Variants in DLG2 observed in about 807,000 individuals in gnomAD.
DLG2 encodes the protein disks large homolog 2.
In DLG2, 45 loss-of-function variants were observed where a neutral mutation model predicts 132.5. That is an observed-to-expected ratio of 0.34 (90% CI 0.27 to 0.44). The LOEUF is 0.44. DLG2 is among the 20% of genes least tolerant of loss of function. DLG2 has a pLI of 1.00. For missense variants in DLG2, 1,045 were observed against 1,196.9 expected, an observed-to-expected ratio of 0.87 and a Z score of 1.87; for synonymous variants, 424 against 419.6, an observed-to-expected ratio of 1.01 and a Z score of -0.13.
At chr11:84,618,840 T>G (rs374495884) in intron 6 of DLG2, among the ~76,000 whole-genome samples, 1 of 152,032 alleles carries the variant, frequency 6.6e-6, no homozygotes, top group Non-Finnish European at 1.5e-5. Flanking sequence ...CTTTAGATAT[T>G]AAGATTATCA....
chr11:85,611,920 CAG>C (rs1303357379), intron 2 of DLG2, among the ~76,000 whole-genome samples: 18 of 147,198 alleles, frequency 1.2e-4, no homozygotes, highest in Non-Finnish European at 1.1e-4. Flanking sequence ...GAAAGACCAG[CAG>C]AGAGAGAGAG....
chr11:84,948,576 T>C (rs1485262618), intron 6 of DLG2, among the ~76,000 whole-genome samples: 1 of 152,234 alleles, frequency 6.6e-6, no homozygotes, highest in Non-Finnish European at 1.5e-5. Context: ...GCATGGATTT[T>C]CCCTGAAGAA....
At chr11:84,154,521 T>C (rs1190103975) in intron 9 of DLG2, among the ~76,000 whole-genome samples, 1 of 152,168 alleles carries the variant, frequency 6.6e-6, no homozygotes, top group Non-Finnish European at 1.5e-5. Context: ...TTTAATACTT[T>C]AAGTTCTAGG....
chr11:85,308,527 C>A (rs143818301), intron 3 of DLG2, among the ~76,000 whole-genome samples: 63 of 152,294 alleles, frequency 4.1e-4, no homozygotes, highest in African/African-American at 1.5e-3. Context: ...AAGAGCAAAG[C>A]TCCTATCCAG....
intron 3 of DLG2, among the ~76,000 whole-genome samples, chr11:85,388,515 C>A (rs1412339671): frequency 6.6e-6 from 1 of 152,118 alleles, no homozygotes; most frequent in South Asian, 2.1e-4. Flanking sequence ...CTTGAAAGCA[C>A]CACCTTCTGG....
chr11:84,975,315 C>G (rs2054736774), intron 6 of DLG2, among the ~76,000 whole-genome samples: 1 of 152,114 alleles, frequency 6.6e-6, no homozygotes, highest in Non-Finnish European at 1.5e-5. Context: ...GGTGATGATG[C>G]TATAAGTTCT....
intron 7 of DLG2, among the ~76,000 whole-genome samples, chr11:84,412,245 G>A (rs1226515550): frequency 6.6e-6 from 1 of 150,756 alleles, no homozygotes; most frequent in Admixed American, 6.6e-5. Context: ...ACAAACCATA[G>A]ACTGACTTTA....
At chr11:83,494,600 T>C (rs1391868627) in intron 21 of DLG2, among the ~76,000 whole-genome samples, 1 of 151,788 alleles carries the variant, frequency 6.6e-6, no homozygotes, top group Non-Finnish European at 1.5e-5. Context: ...ATGGATTTTT[T>C]AGTTAAAACA....
intron 8 of DLG2, among the ~76,000 whole-genome samples, chr11:84,192,222 T>G (rs2096424144): frequency 2.0e-5 from 3 of 151,968 alleles, no homozygotes; most frequent in Non-Finnish European, 2.9e-5. Context: ...AGGGGGTGGG[T>G]GAGTATATGA....
At chr11:85,140,098 T>C (rs940313951) in intron 5 of DLG2, among the ~76,000 whole-genome samples, 6 of 152,030 alleles carry the variant, frequency 3.9e-5, no homozygotes, top group Non-Finnish European at 4.4e-5. Context: ...ATCTTGGCTA[T>C]TGTGAATAAT....
At chr11:85,412,050 T>A (rs1022060725) in intron 3 of DLG2, among the ~76,000 whole-genome samples, 3 of 151,848 alleles carry the variant, frequency 2.0e-5, no homozygotes, top group African/African-American at 7.2e-5. Flanking sequence ...TGAGCTCTGA[T>A]TAGTCTAAGC....
intron 8 of DLG2, among the ~76,000 whole-genome samples, chr11:84,187,930 A>T (rs2096313907): frequency 6.6e-6 from 1 of 152,130 alleles, no homozygotes; most frequent in African/African-American, 2.4e-5. Context: ...AGAGCTGTAG[A>T]AAGACTCTAA....
chr11:84,029,527 G>C (rs1207138418), intron 11 of DLG2, among the ~76,000 whole-genome samples: 1 of 152,112 alleles, frequency 6.6e-6, no homozygotes, highest in African/African-American at 2.4e-5. Context: ...ATAAATCATA[G>C]AGTATTAGTT....
chr11:84,797,502 T>A (rs1407639564), intron 6 of DLG2, among the ~76,000 whole-genome samples: 2 of 152,216 alleles, frequency 1.3e-5, no homozygotes, highest in East Asian at 1.9e-4. Flanking sequence ...TCAATTCTGC[T>A]GTTGAGATGC....
intron 3 of DLG2, among the ~76,000 whole-genome samples, chr11:85,298,939 T>A (rs936022147): frequency 3.9e-5 from 6 of 152,146 alleles, no homozygotes; most frequent in Non-Finnish European, 7.4e-5. Flanking sequence ...AAAAAAAATT[T>A]AATGCCCTAA....
intron 7 of DLG2, among the ~76,000 whole-genome samples, chr11:84,312,255 G>A (rs550680853): frequency 6.6e-6 from 1 of 152,248 alleles, no homozygotes; most frequent in South Asian, 2.1e-4. Context: ...GCAGATCACA[G>A]GTCAGGAGTT....
intron 22 of DLG2, chr11:83,480,762 C>A: frequency 1.4e-6 from 1 of 734,904 alleles, no homozygotes; most frequent in East Asian, 2.7e-5. Flanking sequence ...TATGTCTTGA[C>A]TGAGTGTTTT....
chr11:85,249,266 T>C (rs1173979678), intron 4 of DLG2, among the ~76,000 whole-genome samples: 4 of 151,978 alleles, frequency 2.6e-5, no homozygotes, highest in Admixed American at 6.6e-5. Flanking sequence ...TATTTACATA[T>C]TAATCAACTA....
intron 4 of DLG2, among the ~76,000 whole-genome samples, chr11:85,224,005 T>C (rs189839341): frequency 5.9e-5 from 9 of 152,308 alleles, no homozygotes; most frequent in Non-Finnish European, 1.0e-4. Context: ...CTTGGTAAAT[T>C]ATAGAATCTC....
Sources: gnomAD v4.1 joint callset for allele counts (sites outside exome capture counted in the v4.1 genomes callset) on GRCh38, gnomAD v4.1.1 for gene constraint, MANE v1.5 for transcripts, NCBI Gene and HGNC (gene_info 2026-07-23, HGNC 2026-07-21) for gene names.